The following NKAIN2 variants were observed in gnomAD, a reference collection of about 807,000 sequenced individuals.
NKAIN2 encodes the protein sodium/potassium-transporting ATPase subunit beta-1-interacting protein 2.
In NKAIN2, 14 loss-of-function variants were observed where a neutral mutation model predicts 32.6. The observed-to-expected ratio is 0.43, with a 90% CI of 0.28 to 0.67. NKAIN2 has a LOEUF of 0.67. Among genes scored for constraint, NKAIN2 ranks in the 30% least tolerant of loss-of-function variants. The pLI is 0.17. For missense variants in NKAIN2, 198 were observed against 258.3 expected (o/e 0.77, Z 1.60); for synonymous variants, 80 against 87.2 (o/e 0.92, Z 0.46).
intron 4 of NKAIN2, among the ~76,000 whole-genome samples, chr6:124,698,561 G>A (rs1414494499): frequency 6.6e-6 from 1 of 152,142 alleles, no homozygotes; most frequent in South Asian, 2.1e-4. Flanking sequence ...AAGTAGGCAG[G>A]CAGTGTATCT....
At chr6:124,757,252 AT>A (rs1199295885) in intron 4 of NKAIN2, among the ~76,000 whole-genome samples, 2 of 151,884 alleles carry the variant, frequency 1.3e-5, no homozygotes, top group South Asian at 2.1e-4. Flanking sequence ...CATTCTCTAC[AT>A]TTTTTCCCAC....
intron 1 of NKAIN2, among the ~76,000 whole-genome samples, chr6:124,224,624 C>G (rs182434454): frequency 8.7e-4 from 132 of 152,212 alleles, no homozygotes; most frequent in Middle Eastern, 3.4e-3. Flanking sequence ...AGAGAGATGC[C>G]TCCCTTTTAG....
At chr6:124,075,515 G>A (rs547593103) in intron 1 of NKAIN2, among the ~76,000 whole-genome samples, 1 of 152,256 alleles carries the variant, frequency 6.6e-6, no homozygotes, top group African/African-American at 2.4e-5. Context: ...AATCACCCAA[G>A]CCATCCTACT....
At chr6:124,410,125 T>G (rs1774088234) in intron 3 of NKAIN2, among the ~76,000 whole-genome samples, 1 of 152,182 alleles carries the variant, frequency 6.6e-6, no homozygotes, top group Admixed American at 6.5e-5. Context: ...TCAATTTTGT[T>G]GATCTTTTCA....
At chr6:124,552,819 G>C (rs977899683) in intron 3 of NKAIN2, among the ~76,000 whole-genome samples, 24 of 152,140 alleles carry the variant, frequency 1.6e-4, no homozygotes, top group Admixed American at 1.1e-3. Context: ...TTAAATTTAA[G>C]GATAATTGGT....
chr6:124,223,123 G>A (rs1269129807), intron 1 of NKAIN2, among the ~76,000 whole-genome samples: 1 of 144,260 alleles, frequency 6.9e-6, no homozygotes, highest in Non-Finnish European at 1.5e-5. Context: ...TGAGGCAGGA[G>A]AATCATTTCG....
chr6:124,390,140 A>T (rs1773080678), intron 3 of NKAIN2, among the ~76,000 whole-genome samples: 2 of 152,096 alleles, frequency 1.3e-5, no homozygotes, highest in Admixed American at 1.3e-4. Flanking sequence ...GTCCTTTTCT[A>T]GCAAAGCTCT....
intron 1 of NKAIN2, among the ~76,000 whole-genome samples, chr6:124,216,826 A>T (rs993809843): frequency 2.0e-5 from 3 of 152,224 alleles, no homozygotes; most frequent in South Asian, 2.1e-4. Context: ...AGAGGCTCAC[A>T]GAAACCTAAC....
intron 5 of NKAIN2, among the ~76,000 whole-genome samples, chr6:124,812,900 C>A (rs1177529250): frequency 3.9e-5 from 6 of 152,118 alleles, no homozygotes; most frequent in Non-Finnish European, 1.5e-5. Context: ...ATCTTTCCTT[C>A]CTCATTCTCC....
intron 3 of NKAIN2, among the ~76,000 whole-genome samples, chr6:124,443,066 C>T (rs1775755169): frequency 6.6e-6 from 1 of 152,060 alleles, no homozygotes; most frequent in African/African-American, 2.4e-5. Context: ...GTTTGCTTTT[C>T]TTGGTAATGA....
chr6:124,137,625 A>G (rs1158979592), intron 1 of NKAIN2, among the ~76,000 whole-genome samples: 1 of 152,198 alleles, frequency 6.6e-6, no homozygotes, highest in Non-Finnish European at 1.5e-5. Context: ...TTACCAGACT[A>G]TAGCTACCAA....
intron 1 of NKAIN2, among the ~76,000 whole-genome samples, chr6:124,222,504 G>A (rs929710646): frequency 2.0e-5 from 3 of 152,146 alleles, no homozygotes; most frequent in Non-Finnish European, 4.4e-5. Flanking sequence ...TAATGGAGAA[G>A]GAGAGATTTT....
At chr6:124,009,478 G>C (rs972579245) in intron 1 of NKAIN2, among the ~76,000 whole-genome samples, 4 of 152,132 alleles carry the variant, frequency 2.6e-5, no homozygotes, top group Non-Finnish European at 4.4e-5. Flanking sequence ...TGAAAATAAT[G>C]CTGGGTGGCG....
intron 1 of NKAIN2, among the ~76,000 whole-genome samples, chr6:124,132,387 C>A (rs1221408449): frequency 1.3e-5 from 2 of 152,214 alleles, no homozygotes; most frequent in African/African-American, 4.8e-5. Flanking sequence ...CTGCCCATCA[C>A]CTGATAAACC....
intron 3 of NKAIN2, among the ~76,000 whole-genome samples, chr6:124,355,998 G>T (rs115873462): frequency 1.5e-3 from 236 of 152,308 alleles, no homozygotes; most frequent in African/African-American, 5.1e-3. Context: ...TAACAGCAAA[G>T]AAGTCAAATG....
At chr6:124,311,209 G>A (rs913835414) in intron 2 of NKAIN2, among the ~76,000 whole-genome samples, 2 of 152,146 alleles carry the variant, frequency 1.3e-5, no homozygotes, top group Non-Finnish European at 2.9e-5. Context: ...CCTCAGTCCA[G>A]AGCAGGGTCT....
intron 1 of NKAIN2, among the ~76,000 whole-genome samples, chr6:124,045,986 G>A (rs1284556787): frequency 2.0e-5 from 3 of 151,960 alleles, no homozygotes; most frequent in Admixed American, 1.3e-4. Context: ...GCTTAGCCAC[G>A]AAGTACAGAA....
At chr6:124,178,779 T>G (rs554053893) in intron 1 of NKAIN2, among the ~76,000 whole-genome samples, 6 of 152,246 alleles carry the variant, frequency 3.9e-5, no homozygotes, top group Non-Finnish European at 7.3e-5. Context: ...CTAGGCTCTA[T>G]GCTTCCCACT....
chr6:124,788,226 T>C, intron 4 of NKAIN2, among the ~76,000 whole-genome samples: 1 of 152,098 alleles, frequency 6.6e-6, no homozygotes, highest in South Asian at 2.1e-4. Context: ...AGAGATATTT[T>C]TATTGCCTCA....
Sources: gnomAD v4.1 joint callset for allele counts (sites outside exome capture counted in the v4.1 genomes callset) on GRCh38, gnomAD v4.1.1 for gene constraint, MANE v1.5 for transcripts, NCBI Gene and HGNC (gene_info 2026-07-23, HGNC 2026-07-21) for gene names.